The following MACF1 variants were observed in gnomAD, a reference collection of about 807,000 sequenced individuals.
The protein encoded by MACF1 is microtubule actin crosslinking factor 1.
Under a neutral mutation model 854.8 loss-of-function variants are expected in MACF1, and 193 were observed. The ratio of observed to expected loss-of-function variants is 0.23; its 90% CI spans 0.20 to 0.25. The LOEUF (loss-of-function observed/expected upper bound fraction) is 0.25, where lower values mean the gene tolerates loss of function less well. Among genes scored for constraint, MACF1 ranks in the 10% least tolerant of loss-of-function variants. The pLI is 1.00. For synonymous variants in MACF1, 3,185 were observed against 3,226.7 expected, an observed-to-expected ratio of 0.99 and a Z score of 0.44; for missense variants, 7,722 against 8,929.1, an observed-to-expected ratio of 0.86 and a Z score of 5.45.
In MACF1 at chr1:39,300,359, C is replaced by G; in HGVS notation, c.2631C>G (p.Ile877Met). Residue 877 changes from isoleucine (I) to methionine (M), a missense_variant, in exon 22 of 101, where the codon ATC (isoleucine) becomes ATG (methionine). Physicochemically the swap from Ile to Met is conservative, Grantham distance 10. This residue lies in a region of MACF1 where 1,137 missense variants were observed against 1,263.0 expected (regional missense o/e 0.90). Transcript: ENST00000564288. ...AGGCTGTCTGTGACTACAGGCAGAT[C>G]GAGGTGAGGAGGTAGAAAGGGTACC... ...SVKAVCDYRQ[I>M]EITICKNDEC... The G allele has an allele frequency of 6.2e-7, 1 of 1,612,578 alleles. No homozygotes were observed. Among genetic ancestry groups the G allele is most frequent in the South Asian group, 1.1e-5 (1 of 90,888 alleles).
intron 2 of MACF1, among the ~76,000 whole-genome samples, chr1:39,085,557 C>T (rs1316135347): frequency 1.3e-5 from 2 of 152,174 alleles, no homozygotes; most frequent in Admixed American, 1.3e-4. Flanking sequence ...TTAGTCTTGC[C>T]ACCATCCTCC....
intron 94 of MACF1, 56 bp downstream of exon 94, chr1:39,463,742 C>T: frequency 6.8e-7 from 1 of 1,468,574 alleles, no homozygotes; most frequent in South Asian, 1.1e-5. Context: ...TGTGGCTGAT[C>T]CCACCTTTTC....
intron 14 of MACF1, among the ~76,000 whole-genome samples, chr1:39,286,498 GC>G (rs1364016557): frequency 6.8e-6 from 1 of 147,542 alleles, no homozygotes; most frequent in Non-Finnish European, 1.5e-5. Flanking sequence ...ATGGCATCTT[GC>G]TCTGTAGCCC....
intron 49 of MACF1, among the ~76,000 whole-genome samples, chr1:39,364,040 G>A (rs1218559940): frequency 6.6e-6 from 1 of 152,194 alleles, no homozygotes; most frequent in Non-Finnish European, 1.5e-5. Flanking sequence ...CTAGAGTGGA[G>A]TTGTTGCATT....
intron 2 of MACF1, among the ~76,000 whole-genome samples, chr1:39,239,299 ACAAACAAACAAAC>A (rs989374567): frequency 2.0e-5 from 3 of 152,006 alleles, no homozygotes; most frequent in African/African-American, 7.3e-5. Flanking sequence ...AAACAAACAA[ACAAACAAACAAAC>A]AAAAAACACC....
At chr1:39,277,618 C>CT (rs1051189425) in intron 6 of MACF1, among the ~76,000 whole-genome samples, 1 of 152,108 alleles carries the variant, frequency 6.6e-6, no homozygotes, top group Non-Finnish European at 1.5e-5. Flanking sequence ...AGCATGTCTT[C>CT]TTTTTTTGTT....
At chr1:39,296,444 T>C (rs1038769868) in intron 20 of MACF1, among the ~76,000 whole-genome samples, 1 of 151,944 alleles carries the variant, frequency 6.6e-6, no homozygotes, top group African/African-American at 2.4e-5. Flanking sequence ...AAGAGTGTAC[T>C]GCTGGCCGGG....
intron 99 of MACF1, among the ~76,000 whole-genome samples, chr1:39,482,022 T>C (rs1309065886): frequency 1.3e-5 from 2 of 152,228 alleles, no homozygotes; most frequent in African/African-American, 2.4e-5. Flanking sequence ...ATGGCTCCAG[T>C]TTCATAAAAA....
chr1:39,433,026 A>T, intron 67 of MACF1, 22 bp from the exon 68 acceptor site: 1 of 1,465,058 alleles, frequency 6.8e-7, no homozygotes, highest in Admixed American at 1.8e-5. Context: ...TTTACTTCTT[A>T]ACTACAGTTT....
rs1379955912 is a variant in MACF1, at chr1:39,297,811, G to A, written c.2481+66G>A. 5.1e-6 allele frequency: 8 copies of A among 1,575,270 alleles called. No individual in the cohort carries two copies. In the Admixed American group the frequency reaches 1.0e-4, roughly 21 times the overall value. On this transcript the variant is annotated intron_variant, in intron 21 of 100. Coordinates refer to ENST00000564288, the MANE Select transcript of MACF1 (RefSeq NM_001394062.1). ...AGAGTAAACCATATCAGCTGCTGCT[G>A]TTTATATCCTTGAAAGCTCCAGGGC...
chr1:39,189,688 C>G (rs1644220543), intron 2 of MACF1, among the ~76,000 whole-genome samples: 1 of 152,080 alleles, frequency 6.6e-6, no homozygotes, highest in Admixed American at 6.6e-5. Flanking sequence ...TCTATGGAAG[C>G]CTTTTTTTTG....
At chr1:39,092,982 C>T (rs1641844009) in intron 2 of MACF1, among the ~76,000 whole-genome samples, 2 of 152,054 alleles carry the variant, frequency 1.3e-5, no homozygotes, top group Non-Finnish European at 2.9e-5. Flanking sequence ...GACGGGGTTT[C>T]ACCATCTTGG....
chr1:39,319,208 G>A (rs967493282), intron 30 of MACF1, among the ~76,000 whole-genome samples: 4 of 152,012 alleles, frequency 2.6e-5, no homozygotes, highest in Non-Finnish European at 4.4e-5. Context: ...TGAGATTATC[G>A]TTGCTAGGAT....
chr1:39,401,383 C>T (rs61779285), intron 58 of MACF1, among the ~76,000 whole-genome samples: 24,284 of 152,144 alleles, frequency 0.16, 2,428 homozygotes, highest in Middle Eastern at 0.22. Context: ...TGTTACCGTA[C>T]AATGGCAACT....
Position 39,435,768 on chromosome 1 carries a change from G to A in MACF1, c.17988+7G>A, listed in dbSNP as rs377216278. On this transcript the variant is annotated splice_region_variant and intron_variant, in intron 70 of 100. Transcript: ENST00000564288. The stretch of plus-strand genomic sequence containing the variant: ...CGTGTCCCAGTCCACACAGGTATGT[G>A]TGTGTCTGACACTCATAACCTTGAA... 92 of 1,613,530 alleles carry A rather than the reference G, an allele frequency of 5.7e-5. No homozygotes were observed. The highest frequency in any genetic ancestry group is 1.3e-5 in the African/African-American group (1 of 74,910).
At chr1:39,407,391 G>A (rs777441965) in intron 58 of MACF1, among the ~76,000 whole-genome samples, 1 of 152,180 alleles carries the variant, frequency 6.6e-6, no homozygotes, top group African/African-American at 2.4e-5. Flanking sequence ...GGTTTCTAGT[G>A]TCTTGGCAGT....
intron 26 of MACF1, among the ~76,000 whole-genome samples, chr1:39,312,909 A>G (rs897455275): frequency 2.6e-5 from 4 of 152,320 alleles, no homozygotes; most frequent in South Asian, 4.1e-4. Flanking sequence ...AGTTGACCAA[A>G]TAATGCTCTT....
chr1:39,375,945 G>A (rs1314149594), intron 52 of MACF1, among the ~76,000 whole-genome samples: 2 of 151,726 alleles, frequency 1.3e-5, no homozygotes, highest in East Asian at 1.9e-4. Flanking sequence ...AGAGCAAGTC[G>A]TGTTATATTT....
chr1:39,382,177 T>C lies in MACF1; in HGVS notation c.13848+25T>C, dbSNP rs778590396. On this transcript the variant is annotated intron_variant, in intron 56 of 100. Transcript: ENST00000564288. ...GGTGAGCAATATAGCAACAAAGAAA[T>C]TGGAATCACATGAAACTGGGTTTGA... The C allele has an allele frequency of 5.0e-6, 8 of 1,603,462 alleles. No homozygotes were observed. In the African/African-American group the frequency reaches 6.7e-5, roughly 13 times the overall value.
Sources: gnomAD v4.1 joint callset for allele counts (sites outside exome capture counted in the v4.1 genomes callset) on GRCh38, gnomAD v4.1.1 for gene constraint, gnomAD v4.1.1 regional missense constraint, MANE v1.5 for transcripts, NCBI Gene and HGNC (gene_info 2026-07-23, HGNC 2026-07-21) for gene names.